CTNNA3: variants seen among roughly 807,000 people sequenced by gnomAD.
The protein encoded by CTNNA3 is catenin alpha 3, also known as catenin alpha-3.
Under a neutral mutation model 95.7 loss-of-function variants are expected in CTNNA3, and 76 were observed. The ratio of observed to expected loss-of-function variants is 0.79; its 90% CI spans 0.66 to 0.96. The LOEUF is 0.96. Among genes scored for constraint, CTNNA3 ranks in the 40% least tolerant of loss-of-function variants. CTNNA3 has a pLI of 0.00. For synonymous variants in CTNNA3, 431 were observed against 374.4 expected (o/e 1.15, Z -1.74); for missense variants, 1,191 against 1,089.8 (o/e 1.09, Z -1.31).
rs114466186 is a variant in CTNNA3, at chr10:66,377,536, A to T, written c.1732+1616T>A. ...CTGTAAACCTGGTACCTCAAACAGA[A>T]TTATGATCATAAAGTATGCTCACAA... On this transcript the variant is annotated intron_variant, in intron 12 of 17. Coordinates refer to ENST00000433211, the MANE Select transcript of CTNNA3 (RefSeq NM_013266.4). Among the ~76,000 whole-genome samples, 239 of 152,236 alleles carry T rather than the reference A, an allele frequency of 1.6e-3. 1 individual carries two copies. Among genetic ancestry groups the T allele is most frequent in the African/African-American group, 5.6e-3 (233 of 41,576 alleles).
chr10:66,317,028 C>T (rs535958792), intron 12 of CTNNA3, among the ~76,000 whole-genome samples: 153 of 152,134 alleles, frequency 1.0e-3, no homozygotes, highest in African/African-American at 3.6e-3. Flanking sequence ...TATTCAAAAA[C>T]AAATTAGTTC....
chr10:67,214,522 T>C lies in CTNNA3; in HGVS notation c.843+5085A>G, dbSNP rs1029285563. On this transcript the variant is annotated intron_variant, in intron 6 of 17. Coordinates refer to ENST00000433211, the MANE Select transcript of CTNNA3 (RefSeq NM_013266.4). The stretch of plus-strand genomic sequence containing the variant: ...TATTAATCATTTATAAAAAGTAATA[T>C]GTAAGCAGTAATAAATCCTTATGTT... Among the ~76,000 whole-genome samples, 11 of 151,934 alleles carry C rather than the reference T, an allele frequency of 7.2e-5. No individual in the cohort carries two copies. The South Asian group carries it at 8.3e-4, about 11-fold the overall frequency.
chr10:67,093,615 C>T (rs1857792813), intron 7 of CTNNA3, among the ~76,000 whole-genome samples: 1 of 151,564 alleles, frequency 6.6e-6, no homozygotes, highest in Non-Finnish European at 1.5e-5. Context: ...CATTACTACC[C>T]AGCGACCAGT....
intron 7 of CTNNA3, among the ~76,000 whole-genome samples, chr10:66,792,579 C>A (rs1445420748): frequency 1.3e-5 from 2 of 152,054 alleles, no homozygotes; most frequent in Non-Finnish European, 2.9e-5. Context: ...TTCAGATACC[C>A]AGCATTTTCT....
chr10:67,233,935 A>G (rs769815792), intron 5 of CTNNA3, among the ~76,000 whole-genome samples: 1 of 152,338 alleles, frequency 6.6e-6, no homozygotes, highest in Non-Finnish European at 1.5e-5. Context: ...ATTCCTCGAC[A>G]CATACACCCT....
chr10:66,081,148 A>G (rs972383294), intron 14 of CTNNA3, among the ~76,000 whole-genome samples: 2 of 152,188 alleles, frequency 1.3e-5, no homozygotes, highest in African/African-American at 4.8e-5. Flanking sequence ...ATCTAGGGCA[A>G]TAAGCGCCTT....
In CTNNA3 at chr10:66,927,899, A is replaced by T; in HGVS notation, c.1048-152375T>A. 4 of 1,614,238 alleles carry T rather than the reference A, an allele frequency of 2.5e-6. No individual in the cohort carries two copies. The highest frequency in any genetic ancestry group is 3.4e-6 in the Non-Finnish European group (4 of 1,180,040). ...ATTTGCTCCCTTGTAAACTGGCTGA[A>T]AAGTTTTAAAGGTCTAAGGGAGAAT... On this transcript the variant is annotated intron_variant, in intron 7 of 17. Transcript: ENST00000433211. The surrounding 1 kb of genome is among the most constrained non-coding windows in gnomAD (Gnocchi z 4.7).
intron 10 of CTNNA3, among the ~76,000 whole-genome samples, chr10:66,556,944 T>A (rs377304735): frequency 6.6e-6 from 1 of 152,118 alleles, no homozygotes; most frequent in African/African-American, 2.4e-5. Flanking sequence ...AGTAATCAAT[T>A]CATTATGTAT....
intron 11 of CTNNA3, among the ~76,000 whole-genome samples, chr10:66,397,118 A>G (rs1385348101): frequency 6.6e-6 from 1 of 151,684 alleles, no homozygotes; most frequent in East Asian, 1.9e-4. Context: ...GGAAATTTCC[A>G]AACTCCTAAT....
chr10:66,483,617 A>C (rs1357667079), intron 11 of CTNNA3, among the ~76,000 whole-genome samples: 1 of 152,142 alleles, frequency 6.6e-6, no homozygotes, highest in Non-Finnish European at 1.5e-5. Context: ...CTACACCTCT[A>C]TTCAGCTTTG....
At chr10:67,740,957 C>A (rs896802618) in intron 1 of CTNNA3, among the ~76,000 whole-genome samples, 1 of 151,372 alleles carries the variant, frequency 6.6e-6, no homozygotes, top group Non-Finnish European at 1.5e-5. Context: ...GGTACATATA[C>A]ACCATGGAAT....
intron 5 of CTNNA3, among the ~76,000 whole-genome samples, chr10:67,243,605 T>C (rs1865801237): frequency 6.6e-6 from 1 of 152,194 alleles, no homozygotes; most frequent in African/African-American, 2.4e-5. Flanking sequence ...AGCATGCTTC[T>C]CTGGCTTCTC....
intron 12 of CTNNA3, among the ~76,000 whole-genome samples, chr10:66,332,021 T>G (rs1169826446): frequency 6.6e-6 from 1 of 151,906 alleles, no homozygotes; most frequent in Admixed American, 6.6e-5. Context: ...TGAATGGGAG[T>G]TCACTCATGA....
At chr10:67,540,727 A>T (rs1208447242) in intron 3 of CTNNA3, among the ~76,000 whole-genome samples, 1 of 151,978 alleles carries the variant, frequency 6.6e-6, no homozygotes, top group East Asian at 1.9e-4. Flanking sequence ...TAAGAAGAAA[A>T]TGTAAAAATA....
chr10:66,020,294 A>G (rs574891886), intron 15 of CTNNA3, among the ~76,000 whole-genome samples: 3 of 152,200 alleles, frequency 2.0e-5, no homozygotes, highest in African/African-American at 7.2e-5. Context: ...AGGTTTGGCC[A>G]AATAGACAGG....
At chr10:67,736,516 C>G (rs148118689) in intron 1 of CTNNA3, among the ~76,000 whole-genome samples, 2,408 of 143,996 alleles carry the variant, frequency 0.017, 70 homozygotes, top group African/African-American at 0.059. Context: ...AGTGCAGTGG[C>G]ACGTTCTCGG....
chr10:66,715,741 T>C (rs1242639960), intron 9 of CTNNA3, among the ~76,000 whole-genome samples: 2 of 152,022 alleles, frequency 1.3e-5, no homozygotes, highest in Non-Finnish European at 2.9e-5. Flanking sequence ...TAAACACACA[T>C]GTGTTCCATA....
At chr10:65,931,589 G>T (rs532326719) in intron 17 of CTNNA3, among the ~76,000 whole-genome samples, 18 of 152,324 alleles carry the variant, frequency 1.2e-4, no homozygotes, top group African/African-American at 4.1e-4. Flanking sequence ...TAAAGTGACT[G>T]TCTTCTATTT....
chr10:67,518,322 C>A (rs895243999), intron 5 of CTNNA3, among the ~76,000 whole-genome samples: 2 of 152,116 alleles, frequency 1.3e-5, no homozygotes, highest in Non-Finnish European at 2.9e-5. Flanking sequence ...GGAGGCTAGA[C>A]TTCAGTTTGA....
Sources: gnomAD v4.1 joint callset for allele counts (sites outside exome capture counted in the v4.1 genomes callset) on GRCh38, gnomAD v4.1.1 for gene constraint, Gnocchi (gnomAD v3.1) non-coding constraint, MANE v1.5 for transcripts, NCBI Gene and HGNC (gene_info 2026-07-23, HGNC 2026-07-21) for gene names.